Variants in USH2A observed in about 807,000 individuals in gnomAD.
The protein encoded by USH2A is Usher syndrome 2A (autosomal recessive, mild).
In USH2A, 443 loss-of-function variants were observed where a neutral mutation model predicts 538.9. The observed-to-expected ratio is 0.82, with a 90% CI of 0.76 to 0.89. USH2A has a LOEUF of 0.89. Among genes scored for constraint, USH2A ranks in the 40% least tolerant of loss-of-function variants. The pLI, the probability that USH2A is intolerant of heterozygous loss-of-function variation, is 0.00. For synonymous variants in USH2A, 2,413 were observed against 2,273.5 expected (o/e 1.06, Z -1.75); for missense variants, 6,633 against 6,324.8 (o/e 1.05, Z -1.65).
At chr1:215,665,486 C>A (rs567536723) in intron 64 of USH2A, among the ~76,000 whole-genome samples, 78 of 152,202 alleles carry the variant, frequency 5.1e-4, no homozygotes, top group African/African-American at 1.8e-3. Flanking sequence ...TGGTGGCGGG[C>A]CCTATCAAAT....
intron 62 of USH2A, among the ~76,000 whole-genome samples, chr1:215,676,432 C>T (rs1658030571): frequency 6.6e-6 from 1 of 152,094 alleles, no homozygotes; most frequent in African/African-American, 2.4e-5. Context: ...CCTTTTCCTG[C>T]TCCAACAAAC....
At chr1:216,280,394 G>C (rs541040477) in intron 11 of USH2A, among the ~76,000 whole-genome samples, 1 of 148,430 alleles carries the variant, frequency 6.7e-6, no homozygotes, top group Non-Finnish European at 1.5e-5. Context: ...CAAAAATACA[G>C]ACAAAAGAAA....
At chr1:215,885,770 A>G (rs1665034578) in intron 41 of USH2A, among the ~76,000 whole-genome samples, 1 of 152,120 alleles carries the variant, frequency 6.6e-6, no homozygotes, top group Admixed American at 6.5e-5. Context: ...TCCCTATTGG[A>G]CTGTAATTCT....
intron 21 of USH2A, among the ~76,000 whole-genome samples, chr1:216,164,321 GA>G (rs1411444915): frequency 8.6e-5 from 13 of 152,010 alleles, no homozygotes; most frequent in African/African-American, 3.1e-4. Context: ...TTTTTAAAAG[GA>G]AAAAATGGCA....
At chr1:215,815,111 C>T (rs922645394) in intron 48 of USH2A, among the ~76,000 whole-genome samples, 1 of 134,466 alleles carries the variant, frequency 7.4e-6, no homozygotes, top group African/African-American at 2.6e-5. Context: ...CCAAACTGAA[C>T]TTTACAATTT....
intron 21 of USH2A, among the ~76,000 whole-genome samples, chr1:216,163,073 T>C (rs1464601007): frequency 1.3e-5 from 2 of 151,970 alleles, no homozygotes; most frequent in Non-Finnish European, 2.9e-5. Flanking sequence ...CTCAGTTCAT[T>C]TGCTTTTCTT....
intron 48 of USH2A, among the ~76,000 whole-genome samples, chr1:215,814,518 G>A (rs1444934550): frequency 6.6e-6 from 1 of 151,978 alleles, no homozygotes; most frequent in Non-Finnish European, 1.5e-5. Context: ...TGAAAGATTG[G>A]AGAGAAGTAG....
At chr1:216,079,650 GTGTC>G (rs1420134682) in intron 26 of USH2A, among the ~76,000 whole-genome samples, 1 of 152,090 alleles carries the variant, frequency 6.6e-6, no homozygotes, top group Non-Finnish European at 1.5e-5. Flanking sequence ...AGAATGTTTG[GTGTC>G]TGTCTGAAAC....
chr1:215,896,167 T>G (rs1665334174), intron 40 of USH2A, among the ~76,000 whole-genome samples: 2 of 152,206 alleles, frequency 1.3e-5, no homozygotes, highest in Non-Finnish European at 2.9e-5. Flanking sequence ...TCTACAGGTT[T>G]TATGCAGTAG....
intron 21 of USH2A, chr1:216,174,438 C>T (rs534679016): frequency 2.1e-5 from 21 of 985,016 alleles, no homozygotes; most frequent in South Asian, 9.4e-5. Context: ...CAAAATATTG[C>T]GGTACTAGTA....
At chr1:216,343,420 C>T (rs1571721960) in intron 4 of USH2A, among the ~76,000 whole-genome samples, 1 of 148,884 alleles carries the variant, frequency 6.7e-6, no homozygotes, top group South Asian at 2.1e-4. Flanking sequence ...TGCACCTGTA[C>T]TCCCAGCTAT....
At chr1:216,392,370 G>C (rs148902765) in intron 3 of USH2A, among the ~76,000 whole-genome samples, 4 of 151,778 alleles carry the variant, frequency 2.6e-5, no homozygotes, top group African/African-American at 9.7e-5. Context: ...CATGGTGGCA[G>C]GCGCCTGTAG....
At chr1:215,865,180 C>A (rs12140513) in intron 44 of USH2A, among the ~76,000 whole-genome samples, 18,492 of 151,956 alleles carry the variant, frequency 0.12, 1,617 homozygotes, top group East Asian at 0.29. Flanking sequence ...AGCAAGTTGC[C>A]CAAAAGAAGA....
intron 62 of USH2A, among the ~76,000 whole-genome samples, chr1:215,679,043 C>T (rs1429513035): frequency 6.6e-6 from 1 of 152,184 alleles, no homozygotes; most frequent in Non-Finnish European, 1.5e-5. Flanking sequence ...AAGCCTCTTG[C>T]CCCAGGGGGG....
intron 55 of USH2A, among the ~76,000 whole-genome samples, chr1:215,773,538 TTC>T (rs1332501473): frequency 7.0e-6 from 1 of 142,618 alleles, no homozygotes; most frequent in African/African-American, 2.7e-5. Flanking sequence ...CTCTCTGTCT[TTC>T]TCTCTCTCTC....
At chr1:216,248,081 A>G (rs578026316) in intron 12 of USH2A, among the ~76,000 whole-genome samples, 2 of 152,216 alleles carry the variant, frequency 1.3e-5, no homozygotes, top group South Asian at 4.1e-4. Flanking sequence ...ATCATTTTCA[A>G]TTAATATAAA....
At chr1:215,838,165 T>C in intron 46 of USH2A, 62 bp from the exon 47 acceptor site, 1 of 1,283,042 alleles carries the variant, frequency 7.8e-7, no homozygotes, top group East Asian at 2.3e-5. Context: ...CTAACAATAG[T>C]CTGAATCCCA....
chr1:216,052,524 G>A (rs1245202265), intron 30 of USH2A, among the ~76,000 whole-genome samples: 1 of 152,112 alleles, frequency 6.6e-6, no homozygotes, highest in Non-Finnish European at 1.5e-5. Flanking sequence ...ATTTCCAGTA[G>A]GGAATCTTGT....
Position 215,741,503 on chromosome 1 carries a change from T to C in USH2A, c.11583A>G (p.Lys3861=), listed in dbSNP as rs1244197007. 2 of 1,613,836 alleles carry C rather than the reference T, an allele frequency of 1.2e-6. No homozygotes were observed. Among genetic ancestry groups the C allele is most frequent in the Non-Finnish European group, 8.5e-7 (1 of 1,179,964 alleles). ...SCGVSSRMFV[K]TPEAAPMDLN... ...GATCCATTGGGGCTGCTTCAGGTGT[T>C]TTGACAAACATCCTACTGCTAACTC... Residue 3861 remains lysine (K), a synonymous_variant, in exon 60 of 72, where the codon AAA becomes AAG. Coordinates refer to ENST00000307340, the MANE Select transcript of USH2A (RefSeq NM_206933.4).
Sources: gnomAD v4.1 joint callset for allele counts (sites outside exome capture counted in the v4.1 genomes callset) on GRCh38, gnomAD v4.1.1 for gene constraint, MANE v1.5 for transcripts, NCBI Gene and HGNC (gene_info 2026-07-23, HGNC 2026-07-21) for gene names.